The following CARMIL1 variants were observed in gnomAD, a reference collection of about 807,000 sequenced individuals.
CARMIL1 encodes F-actin-uncapping protein LRRC16A.
CARMIL1 carries 90 observed loss-of-function variants against 177.1 expected under a neutral mutation model. The ratio of observed to expected loss-of-function variants is 0.51; its 90% CI spans 0.43 to 0.61. CARMIL1 has a LOEUF of 0.61. Among genes scored for constraint, CARMIL1 ranks in the 20% least tolerant of loss-of-function variants. CARMIL1 has a pLI of 0.00. For synonymous variants in CARMIL1, 577 were observed against 606.2 expected (o/e 0.95, Z 0.71); for missense variants, 1,380 against 1,667.0 (o/e 0.83, Z 3.00).
Position 25,539,978 on chromosome 6 carries a change from C to A in CARMIL1, c.2228C>A (p.Ala743Glu), listed in dbSNP as rs766813570. ...LLPNLYHVGGASWAGASGLLS... is the reference protein window; with the variant it reads ...LLPNLYHVGGESWAGASGLLS... The stretch of plus-strand genomic sequence containing the variant: ...CCAAATTTATACCATGTTGGTGGTG[C>A]ATCTTGGGCGGGAGCCAGTGGCTTA... The change falls in exon 26 of 37, where the codon GCA becomes GAA. Residue 743 changes from alanine to glutamate, a missense_variant. Coordinates refer to ENST00000329474, the MANE Select transcript of CARMIL1 (RefSeq NM_017640.6). 6.3e-7 allele frequency: 1 copy of A among 1,598,558 alleles called. No individual in the cohort carries two copies. The highest frequency in any genetic ancestry group is 1.1e-5 in the South Asian group (1 of 87,624).
In CARMIL1 at chr6:25,498,674, C is replaced by G. The variant is rs535754232; in HGVS notation, c.1326-1492C>G. Reference sequence around the variant, plus strand: ...GGACCTCTTTGGTAATATCCTAACTCTCTCATTTTACTGACAAGAACTTGA... The same window carrying G: ...GGACCTCTTTGGTAATATCCTAACTGTCTCATTTTACTGACAAGAACTTGA... On this transcript the variant is annotated intron_variant, in intron 16 of 36. Transcript: ENST00000329474. 1.2e-3 allele frequency among the ~76,000 whole-genome samples: 181 copies of G among 152,276 alleles called. 3 individuals are homozygous for G. Among genetic ancestry groups the G allele is most frequent in the Non-Finnish European group, 2.0e-3 (137 of 68,024 alleles).
chr6:25,311,012 C>T (rs1037383047), intron 2 of CARMIL1, among the ~76,000 whole-genome samples: 4 of 147,320 alleles, frequency 2.7e-5, no homozygotes, highest in Non-Finnish European at 5.9e-5. Flanking sequence ...GAAATTCCAT[C>T]TCTACTAAAA....
intron 2 of CARMIL1, among the ~76,000 whole-genome samples, chr6:25,286,594 AT>A (rs1255289905): frequency 6.6e-6 from 1 of 152,182 alleles, no homozygotes; most frequent in Non-Finnish European, 1.5e-5. Flanking sequence ...GAGAAGAAAT[AT>A]TGTTTCTGTC....
intron 2 of CARMIL1, among the ~76,000 whole-genome samples, chr6:25,377,726 G>T (rs531756512): frequency 3.6e-4 from 55 of 152,312 alleles, no homozygotes; most frequent in African/African-American, 1.3e-3. Context: ...GTTAGCCAGG[G>T]TGTTGCAGGC....
At chr6:25,282,849 A>G (rs1247406239) in intron 1 of CARMIL1, among the ~76,000 whole-genome samples, 2 of 152,110 alleles carry the variant, frequency 1.3e-5, no homozygotes, top group African/African-American at 4.8e-5. Context: ...CTTTTATGAC[A>G]TCTCTCAGTG....
In CARMIL1 at chr6:25,515,180, A is replaced by G. The variant is rs942659246; in HGVS notation, c.1633-495A>G. Among the ~76,000 whole-genome samples, 2 of 152,212 alleles carry G rather than the reference A, an allele frequency of 1.3e-5. No homozygotes were observed. Among genetic ancestry groups the G allele is most frequent in the Non-Finnish European group, 2.9e-5 (2 of 68,048 alleles). On this transcript the variant is annotated intron_variant, in intron 20 of 36. Transcript: ENST00000329474. This position sits in a 1 kb window ranked among gnomAD's most constrained non-coding sequence, Gnocchi z 5.0. ...TAGTGGGAAGATTAAGTGAATTAAT[A>G]TACATAAAAAGCTTAAATGGTGGTT...
At position 25,373,868 on chromosome 6, in the gene CARMIL1, C is replaced by T. The variant is rs375905533; in HGVS notation, c.139-46246C>T. Among the ~76,000 whole-genome samples the T allele has an allele frequency of 3.3e-5, 5 of 152,292 alleles. No individual in the cohort carries two copies. The East Asian group carries it at 7.7e-4, about 24-fold the overall frequency. ...AAATGCTGGGATTACAGGCCTGAGCCACTGTGCCCGGCCTCCATTTTCATT... is the reference window on the plus strand; with the variant it reads ...AAATGCTGGGATTACAGGCCTGAGCTACTGTGCCCGGCCTCCATTTTCATT... On this transcript the variant is annotated intron_variant, in intron 2 of 36. Coordinates refer to ENST00000329474, the MANE Select transcript of CARMIL1 (RefSeq NM_017640.6).
chr6:25,423,953 G>A (rs537389533), intron 3 of CARMIL1, among the ~76,000 whole-genome samples: 1 of 152,252 alleles, frequency 6.6e-6, no homozygotes, highest in East Asian at 1.9e-4. Context: ...GTCTTTGGGT[G>A]GGTTGGAGTA....
chr6:25,323,449 AC>A (rs1184979248), intron 2 of CARMIL1, among the ~76,000 whole-genome samples: 1 of 148,094 alleles, frequency 6.8e-6, no homozygotes, highest in Non-Finnish European at 1.5e-5. Flanking sequence ...AAGGCAAAAA[AC>A]CCCCCAGAAT....
intron 29 of CARMIL1, among the ~76,000 whole-genome samples, chr6:25,579,999 G>A (rs1367294704): frequency 6.6e-6 from 1 of 152,110 alleles, no homozygotes; most frequent in Non-Finnish European, 1.5e-5. Context: ...ACACGTACCA[G>A]TTTCCTGATA....
chr6:25,513,320 G>C (rs1266410199), intron 20 of CARMIL1, among the ~76,000 whole-genome samples: 1 of 152,112 alleles, frequency 6.6e-6, no homozygotes, highest in Non-Finnish European at 1.5e-5. Flanking sequence ...CTGTATGTAG[G>C]ATGTTAAGAA....
chr6:25,288,962 T>C (rs1298285178), intron 2 of CARMIL1, among the ~76,000 whole-genome samples: 1 of 152,222 alleles, frequency 6.6e-6, no homozygotes, highest in African/African-American at 2.4e-5. Flanking sequence ...TACAGCCCTG[T>C]GCATTGTAAA....
At position 25,284,911 on chromosome 6, in the gene CARMIL1, T is replaced by G. The variant is rs1178688801; in HGVS notation, c.138+2T>G. 6.7e-7 allele frequency: 1 copy of G among 1,503,714 alleles called. No individual in the cohort carries two copies. Among genetic ancestry groups the G allele is most frequent in the East Asian group, 2.4e-5 (1 of 41,744 alleles). The allele number at this position is 1,503,714 out of a possible 1,614,324, so 93.1% of individuals were successfully genotyped here. A position where few individuals can be genotyped will look rare whatever the true frequency, so the allele number is the denominator to read the frequency against. On this transcript the variant is annotated splice_donor_variant, in intron 2 of 36. Coordinates refer to ENST00000329474, the MANE Select transcript of CARMIL1 (RefSeq NM_017640.6). LOFTEE classifies it high-confidence loss of function. ...GACAAAGTTGAAAACAAAGTGCTGGTAAGTATTGCTGTTTATTTTTATTAA... is the reference window on the plus strand; with the variant it reads ...GACAAAGTTGAAAACAAAGTGCTGGGAAGTATTGCTGTTTATTTTTATTAA...
intron 2 of CARMIL1, among the ~76,000 whole-genome samples, chr6:25,336,511 T>C (rs1352228977): frequency 6.6e-6 from 1 of 152,216 alleles, no homozygotes; most frequent in Non-Finnish European, 1.5e-5. Context: ...GACAAGTCAC[T>C]TAACTTCTTT....
intron 8 of CARMIL1, among the ~76,000 whole-genome samples, chr6:25,455,949 T>G (rs950317939): frequency 2.6e-5 from 4 of 152,290 alleles, no homozygotes; most frequent in Non-Finnish European, 5.9e-5. Flanking sequence ...AAGGTCCAGG[T>G]ATGGTGACAG....
intron 11 of CARMIL1, among the ~76,000 whole-genome samples, chr6:25,477,302 A>G (rs566166090): frequency 1.3e-5 from 2 of 152,128 alleles, no homozygotes; most frequent in African/African-American, 4.8e-5. Flanking sequence ...TTTCACATCT[A>G]TGTACAGAGG....
At chr6:25,308,977 A>G (rs2150197536) in intron 2 of CARMIL1, among the ~76,000 whole-genome samples, 1 of 152,294 alleles carries the variant, frequency 6.6e-6, no homozygotes, top group African/African-American at 2.4e-5. Flanking sequence ...AGCCAGGGAT[A>G]AGTAAAATAA....
Position 25,423,573 on chromosome 6 carries a change from A to G in CARMIL1, c.190-2928A>G, listed in dbSNP as rs528490077. On this transcript the variant is annotated intron_variant, in intron 3 of 36. Coordinates refer to ENST00000329474, the MANE Select transcript of CARMIL1 (RefSeq NM_017640.6). ...GTGGTGGGAGGGAAACAGCTCAGAA[A>G]GACGGACAGGGCCAAGGCCTGGCTG... Among the ~76,000 whole-genome samples the G allele has an allele frequency of 2.0e-5, 3 of 152,330 alleles. No homozygotes were observed. The South Asian group carries it at 6.2e-4, about 32-fold the overall frequency.
At chr6:25,455,274 T>C (rs1799391814) in intron 8 of CARMIL1, among the ~76,000 whole-genome samples, 1 of 152,232 alleles carries the variant, frequency 6.6e-6, no homozygotes, top group Non-Finnish European at 1.5e-5. Context: ...AAAGCTCTCC[T>C]GACTGGCCAT....
Sources: gnomAD v4.1 joint callset for allele counts (sites outside exome capture counted in the v4.1 genomes callset) on GRCh38, gnomAD v4.1.1 for gene constraint, Gnocchi (gnomAD v3.1) non-coding constraint, MANE v1.5 for transcripts, NCBI Gene and HGNC (gene_info 2026-07-23, HGNC 2026-07-21) for gene names.